The following KCND2 variants were observed in gnomAD, a reference collection of about 807,000 sequenced individuals.
KCND2 encodes A-type voltage-gated potassium channel KCND2.
KCND2 carries 16 observed loss-of-function variants against 54.4 expected under a neutral mutation model. The ratio of observed to expected loss-of-function variants is 0.29; its 90% CI spans 0.20 to 0.45. The LOEUF (loss-of-function observed/expected upper bound fraction) is 0.45, where lower values mean the gene tolerates loss of function less well. Among genes scored for constraint, KCND2 ranks in the 20% least tolerant of loss-of-function variants. The pLI, the probability that KCND2 is intolerant of heterozygous loss-of-function variation, is 1.00. For synonymous variants in KCND2, 317 were observed against 310.7 expected, an observed-to-expected ratio of 1.02 and a Z score of -0.21; for missense variants, 486 against 824.2, an observed-to-expected ratio of 0.59 and a Z score of 5.02.
intron 1 of KCND2, among the ~76,000 whole-genome samples, chr7:120,349,955 GAATT>G (rs1280379868): frequency 3.3e-5 from 5 of 151,798 alleles, no homozygotes; most frequent in Non-Finnish European, 5.9e-5. Flanking sequence ...TGAATTAATT[GAATT>G]AATTATTTTT....
chr7:120,677,522 TATATATAGATATAGATATAGATATAG>T, intron 1 of KCND2, among the ~76,000 whole-genome samples: 1 of 138,844 alleles, frequency 7.2e-6, no homozygotes, highest in Non-Finnish European at 1.5e-5. Flanking sequence ...TTCAAATATA[TATATATAGATATAGATATAGATATAG>T]ATATATAGAT....
At position 120,746,147 on chromosome 7, in the gene KCND2, A is replaced by G. The variant is rs546100925; in HGVS notation, c.1715+120A>G. The G allele has an allele frequency of 2.5e-3, 2,963 of 1,162,028 alleles. 6 individuals are homozygous for G. Among genetic ancestry groups the G allele is most frequent in the Middle Eastern group, 0.012 (51 of 4,246 alleles). The allele number at this position is 1,162,028 out of a possible 1,614,324, so 72.0% of individuals were successfully genotyped here. ...CCTAGCTCCTATGGTTCAGGAAGAG[A>G]CAAAAATGGTAGCGTAACAAGTAGG... On this transcript the variant is annotated intron_variant, in intron 5 of 5. Coordinates refer to ENST00000331113, the MANE Select transcript of KCND2 (RefSeq NM_012281.3).
At chr7:120,475,929 A>G (rs1802527729) in intron 1 of KCND2, among the ~76,000 whole-genome samples, 2 of 152,242 alleles carry the variant, frequency 1.3e-5, no homozygotes, top group Non-Finnish European at 2.9e-5. Flanking sequence ...TTGCCAGAAA[A>G]TGATTATGGT....
At chr7:120,720,253 G>A (rs372583222) in intron 1 of KCND2, among the ~76,000 whole-genome samples, 6 of 152,102 alleles carry the variant, frequency 3.9e-5, no homozygotes, top group African/African-American at 1.4e-4. Flanking sequence ...ACCCAGAAAG[G>A]TCCCATCAGT....
chr7:120,460,928 G>T (rs1406637217), intron 1 of KCND2, among the ~76,000 whole-genome samples: 2 of 152,156 alleles, frequency 1.3e-5, no homozygotes, highest in African/African-American at 4.8e-5. Flanking sequence ...TTCCCAGATA[G>T]TTAAGGGAGA....
rs539240051 is a variant in KCND2 at position 120,702,957 on chromosome 7, T to C, written c.1116-29946T>C. ...ATAAAAGTTAAAAAAATCAGTTGCC[T>C]GGGAAGTAGTAGTAATTAATCATTG... On this transcript the variant is annotated intron_variant, in intron 1 of 5. Transcript: ENST00000331113. 6.6e-5 allele frequency among the ~76,000 whole-genome samples: 10 copies of C among 152,264 alleles called. No homozygotes were observed. The South Asian group carries it at 1.0e-3, about 16-fold the overall frequency.
At chr7:120,297,958 A>G (rs1473078745) in intron 1 of KCND2, among the ~76,000 whole-genome samples, 2 of 152,182 alleles carry the variant, frequency 1.3e-5, no homozygotes, top group Non-Finnish European at 2.9e-5. Flanking sequence ...ACATTTGTTC[A>G]GTTCAGTACA....
intron 1 of KCND2, among the ~76,000 whole-genome samples, chr7:120,453,844 T>C (rs903779088): frequency 3.3e-5 from 5 of 152,194 alleles, no homozygotes; most frequent in Non-Finnish European, 7.3e-5. Context: ...CCCAGCACTT[T>C]GGGAGGCCAA....
intron 1 of KCND2, among the ~76,000 whole-genome samples, chr7:120,644,382 T>C (rs972317437): frequency 6.6e-6 from 1 of 152,054 alleles, no homozygotes; most frequent in African/African-American, 2.4e-5. Context: ...TCTAGAAAGG[T>C]AGAAGCTATA....
At chr7:120,339,024 G>A (rs1309227847) in intron 1 of KCND2, among the ~76,000 whole-genome samples, 1 of 151,476 alleles carries the variant, frequency 6.6e-6, no homozygotes, top group African/African-American at 2.4e-5. Flanking sequence ...GGGACTATAG[G>A]CACCTGCCAC....
At position 120,273,451 on chromosome 7, in the gene KCND2, T is replaced by C. The variant is rs1260306563; in HGVS notation, c.-1182T>C. Among the ~76,000 whole-genome samples the C allele has an allele frequency of 1.3e-5, 2 of 148,886 alleles. No individual in the cohort carries two copies. Among genetic ancestry groups the C allele is most frequent in the African/African-American group, 4.9e-5 (2 of 40,972 alleles). On this transcript the variant is annotated 5_prime_UTR_variant, in exon 1 of 6. Coordinates refer to ENST00000331113, the MANE Select transcript of KCND2 (RefSeq NM_012281.3). Reference sequence around the variant, plus strand: ...GCCGCCCCGCAGCCCCGCACCGCGCTGGCCAGGCTCCCGCGACAGTGGCCC... The same window carrying C: ...GCCGCCCCGCAGCCCCGCACCGCGCCGGCCAGGCTCCCGCGACAGTGGCCC...
intron 1 of KCND2, among the ~76,000 whole-genome samples, chr7:120,631,394 TA>T (rs1362792866): frequency 6.6e-6 from 1 of 152,062 alleles, no homozygotes; most frequent in African/African-American, 2.4e-5. Context: ...ATAATAAGTT[TA>T]AAAAATAAAA....
chr7:120,367,755 T>G (rs1800707890), intron 1 of KCND2, among the ~76,000 whole-genome samples: 1 of 151,960 alleles, frequency 6.6e-6, no homozygotes, highest in African/African-American at 2.4e-5. Context: ...CAGCTTGTAG[T>G]GTCAATTAGT....
chr7:120,554,472 G>T (rs1039113968), intron 1 of KCND2, among the ~76,000 whole-genome samples: 1 of 151,632 alleles, frequency 6.6e-6, no homozygotes, highest in Non-Finnish European at 1.5e-5. Context: ...ACAGTGGCGC[G>T]ATCTCAGCTC....
chr7:120,541,197 A>T (rs903690186), intron 1 of KCND2, among the ~76,000 whole-genome samples: 2 of 152,264 alleles, frequency 1.3e-5, no homozygotes, highest in Middle Eastern at 3.4e-3. Context: ...AAGTTTTTAA[A>T]CCTAGACACC....
At chr7:120,566,499 C>G (rs567278938) in intron 1 of KCND2, among the ~76,000 whole-genome samples, 1 of 152,200 alleles carries the variant, frequency 6.6e-6, no homozygotes, top group East Asian at 1.9e-4. Context: ...CATGCCACCA[C>G]ACCTAGCTAA....
intron 1 of KCND2, among the ~76,000 whole-genome samples, chr7:120,384,437 G>A (rs771032122): frequency 9.9e-5 from 15 of 151,916 alleles, no homozygotes; most frequent in African/African-American, 1.5e-4. Context: ...TTCTCCTTGC[G>A]CTCCACCAGT....
intron 1 of KCND2, among the ~76,000 whole-genome samples, chr7:120,500,206 A>G (rs1291837422): frequency 6.6e-6 from 1 of 152,162 alleles, no homozygotes. Flanking sequence ...TATTTGGACT[A>G]AGAGCATAGT....
intron 1 of KCND2, among the ~76,000 whole-genome samples, chr7:120,394,332 A>AC (rs1221483748): frequency 6.6e-6 from 1 of 151,782 alleles, no homozygotes; most frequent in African/African-American, 2.4e-5. Flanking sequence ...CACTAAGTCT[A>AC]CCTCTTGCTG....
Sources: gnomAD v4.1 joint callset for allele counts (sites outside exome capture counted in the v4.1 genomes callset) on GRCh38, gnomAD v4.1.1 for gene constraint, MANE v1.5 for transcripts, NCBI Gene and HGNC (gene_info 2026-07-23, HGNC 2026-07-21) for gene names.